RMDN2: variants seen among roughly 807,000 people sequenced by gnomAD.
RMDN2 encodes the protein regulator of microtubule dynamics 2.
Under a neutral mutation model 52.8 loss-of-function variants are expected in RMDN2, and 61 were observed. The ratio of observed to expected loss-of-function variants is 1.16; its 90% CI spans 0.94 to 1.43. The LOEUF is 1.43. Ranked by LOEUF, RMDN2 falls within the 40% of genes most tolerant of loss-of-function variation. The pLI is 0.00. For missense variants in RMDN2, 592 were observed against 475.3 expected, an observed-to-expected ratio of 1.25 and a Z score of -2.28; for synonymous variants, 180 against 153.1, an observed-to-expected ratio of 1.18 and a Z score of -1.30.
At chr2:38,030,661 T>C (rs1680131366) in intron 10 of RMDN2, 1 of 152,244 alleles carries the variant, frequency 6.6e-6, no homozygotes, top group Non-Finnish European at 1.5e-5. Context: ...CCACATCCAG[T>C]ATTTCAGTGA....
At chr2:38,021,845 C>G (rs117673592), downstream of RMDN2, among the ~76,000 whole-genome samples, 200 of 152,336 alleles carry the variant, frequency 1.3e-3, 7 homozygotes, top group East Asian at 0.036. Context: ...CAGTTCATGT[C>G]ATGCTGTGAG....
At chr2:37,990,501 AGAAT>A (rs1255951629) in intron 6 of RMDN2, among the ~76,000 whole-genome samples, 2 of 138,602 alleles carry the variant, frequency 1.4e-5, no homozygotes, top group Non-Finnish European at 3.1e-5. Context: ...CCTGGGCAAT[AGAAT>A]GAGACTCCAT....
At chr2:38,018,978 A>G (rs1240166652), downstream of RMDN2, among the ~76,000 whole-genome samples, 1 of 152,214 alleles carries the variant, frequency 6.6e-6, no homozygotes, top group Non-Finnish European at 1.5e-5. Context: ...CCCTAGCCCC[A>G]TCTTCTATAA....
Position 38,062,302 on chromosome 2 carries a change from G to A in RMDN2, c.1714-4680G>A, listed in dbSNP as rs572807168. 3.3e-5 allele frequency among the ~76,000 whole-genome samples: 5 copies of A among 152,250 alleles called. No homozygotes were observed. In the South Asian group the frequency reaches 8.3e-4, roughly 25 times the overall value. On this transcript the variant is annotated intron_variant, in intron 10 of 10. Coordinates refer to the RMDN2 transcript ENST00000234195. ...ACACTTTTGTCTCTCAGAGGCTGTCGTAGCAATGGAATTGTGCAGTGTGTA... is the reference window on the plus strand; with the variant it reads ...ACACTTTTGTCTCTCAGAGGCTGTCATAGCAATGGAATTGTGCAGTGTGTA...
chr2:37,934,418 C>T (rs1453190152), intron 2 of RMDN2, among the ~76,000 whole-genome samples: 5 of 152,216 alleles, frequency 3.3e-5, no homozygotes, highest in Admixed American at 2.0e-4. Flanking sequence ...CTCAAATTCT[C>T]ATAAGGTGGC....
Position 38,053,461 on chromosome 2 carries a change from C to T in RMDN2, c.1714-13521C>T, listed in dbSNP as rs931001615. Reference sequence around the variant, plus strand: ...AATGCTGCTGAAGAAAGTGTATAAGCTATTTTCAAGGGCTCCAAGAAGTTC... The same window carrying T: ...AATGCTGCTGAAGAAAGTGTATAAGTTATTTTCAAGGGCTCCAAGAAGTTC... On this transcript the variant is annotated intron_variant, in intron 10 of 10. Transcript: ENST00000234195. Among the ~76,000 whole-genome samples the T allele has an allele frequency of 2.0e-4, 30 of 152,256 alleles. No individual in the cohort carries two copies. The Middle Eastern group carries it at 0.01, about 52-fold the overall frequency.
intron 4 of RMDN2, among the ~76,000 whole-genome samples, chr2:37,977,120 C>G (rs921343997): frequency 1.3e-5 from 2 of 152,118 alleles, no homozygotes; most frequent in African/African-American, 4.8e-5. Context: ...TCCATTTAAC[C>G]CTTAGTGGAC....
chr2:37,923,822 T>G (rs1223513815), upstream of RMDN2, among the ~76,000 whole-genome samples: 1 of 152,222 alleles, frequency 6.6e-6, no homozygotes, highest in Non-Finnish European at 1.5e-5. Context: ...CGATCTCGGC[T>G]CACTGCAACT....
chr2:37,927,077 T>C (rs1666341708), intron 1 of RMDN2, among the ~76,000 whole-genome samples: 1 of 152,262 alleles, frequency 6.6e-6, no homozygotes, highest in African/African-American at 2.4e-5. Flanking sequence ...TATGCTGTTA[T>C]AAAACTCAAA....
chr2:37,981,761 T>A (rs568215971), intron 5 of RMDN2, among the ~76,000 whole-genome samples: 2 of 152,298 alleles, frequency 1.3e-5, no homozygotes, highest in South Asian at 4.1e-4. Context: ...AAGCCATTTA[T>A]GATATTAAAA....
At chr2:38,025,591 A>G (rs964000774) in intron 10 of RMDN2, among the ~76,000 whole-genome samples, 5 of 152,030 alleles carry the variant, frequency 3.3e-5, no homozygotes, top group African/African-American at 1.2e-4. Context: ...ATTGATCACA[A>G]TGTTACCTGT....
chr2:37,930,862 C>G (rs968996269), intron 2 of RMDN2, among the ~76,000 whole-genome samples: 2 of 152,160 alleles, frequency 1.3e-5, no homozygotes, highest in Non-Finnish European at 2.9e-5. Flanking sequence ...GCCTCTGGCA[C>G]GGTGGGCCTT....
intron 2 of RMDN2, among the ~76,000 whole-genome samples, chr2:37,973,176 C>T (rs1572881316): frequency 6.6e-6 from 1 of 152,052 alleles, no homozygotes; most frequent in Non-Finnish European, 1.5e-5. Context: ...TGTTATATAT[C>T]CTTGTATACC....
At chr2:38,053,570 A>G (rs982411216) in intron 10 of RMDN2, among the ~76,000 whole-genome samples, 1 of 152,216 alleles carries the variant, frequency 6.6e-6, no homozygotes, top group African/African-American at 2.4e-5. Flanking sequence ...GCATGTTACT[A>G]AGGAAAAAAT....
downstream of RMDN2, among the ~76,000 whole-genome samples, chr2:38,021,398 T>C (rs181816171): frequency 1.2e-4 from 19 of 152,260 alleles, no homozygotes; most frequent in African/African-American, 4.6e-4. Context: ...CTCTGCACTG[T>C]GGAAGCTTTG....
At chr2:37,925,578 G>T (rs1332246918) in intron 1 of RMDN2, among the ~76,000 whole-genome samples, 153 bp downstream of exon 1, 3 of 152,250 alleles carry the variant, frequency 2.0e-5, no homozygotes, top group South Asian at 4.1e-4. Flanking sequence ...AGCCAGCGGT[G>T]CTCTGCGTTC....
chr2:38,016,378 G>C (rs1445731663), intron 10 of RMDN2, among the ~76,000 whole-genome samples: 4 of 152,182 alleles, frequency 2.6e-5, no homozygotes, highest in Non-Finnish European at 5.9e-5. Context: ...CTCCATAAAT[G>C]TAATGAATGT....
At position 37,981,286 on chromosome 2, in the gene RMDN2, A is replaced by C. The variant is rs779029048; in HGVS notation, c.734A>C (p.Lys245Thr). The change falls in exon 5 of 11, where the codon AAA (lysine) becomes ACA (threonine). Residue 245 changes from lysine (K) to threonine (T), a missense_variant. Coordinates refer to ENST00000354545, the MANE Select transcript of RMDN2 (RefSeq NM_001170791.3). ...TGTAAGTACTTTTATCTTTCAGGAAAAACTTTAAGTGAAAGAGCTATTAAT... is the reference window on the plus strand; with the variant it reads ...TGTAAGTACTTTTATCTTTCAGGAACAACTTTAAGTGAAAGAGCTATTAAT... ...QEKKHYANIGKTLSERAINRA... is the reference protein window; with the variant it reads ...QEKKHYANIGTTLSERAINRA... 3.1e-6 allele frequency: 5 copies of C among 1,589,554 alleles called. No individual in the cohort carries two copies. In the East Asian group the frequency reaches 1.1e-4, roughly 36 times the overall value.
At chr2:37,966,060 CAGTACTTTA>C (rs1285104287) in intron 2 of RMDN2, among the ~76,000 whole-genome samples, 1 of 152,048 alleles carries the variant, frequency 6.6e-6, no homozygotes, top group African/African-American at 2.4e-5. Context: ...CTTTAGCATT[CAGTACTTTA>C]AGTATGATAT....
Sources: gnomAD v4.1 joint callset for allele counts (sites outside exome capture counted in the v4.1 genomes callset) on GRCh38, gnomAD v4.1.1 for gene constraint, MANE v1.5 for transcripts, NCBI Gene and HGNC (gene_info 2026-07-23, HGNC 2026-07-21) for gene names.